The following ASXL2 variants were observed in gnomAD, a reference collection of about 807,000 sequenced individuals.
ASXL2 encodes the protein ASXL transcriptional regulator 2.
ASXL2 carries 23 observed loss-of-function variants against 122.0 expected under a neutral mutation model. The observed-to-expected ratio is 0.19, with a 90% CI of 0.14 to 0.27. ASXL2 has a LOEUF of 0.27. Ranked by LOEUF, ASXL2 falls within the 10% of genes least tolerant of loss-of-function variation. The pLI, the probability that ASXL2 is intolerant of heterozygous loss-of-function variation, is 1.00. For missense variants in ASXL2, 1,518 were observed against 1,713.8 expected, an observed-to-expected ratio of 0.89 and a Z score of 2.02; for synonymous variants, 650 against 637.0, an observed-to-expected ratio of 1.02 and a Z score of -0.31.
rs754099557 is a variant in ASXL2, at chr2:25,742,708, G to C, written c.3629C>G (p.Thr1210Arg). 1.9e-6 allele frequency: 3 copies of C among 1,613,952 alleles called. No homozygotes were observed. The highest frequency in any genetic ancestry group is 2.5e-6 in the Non-Finnish European group (3 of 1,179,876). The change falls in exon 13 of 13, where the codon ACA (threonine) becomes AGA (arginine). Residue 1210 changes from threonine to arginine, a missense_variant. Coordinates refer to ENST00000435504, the MANE Select transcript of ASXL2 (RefSeq NM_018263.6). ...TTCCCTGCTGTGAGGTCCTGAACTT[G>C]TGTCACCCTTGCCAGCACTCTGGGA... ...QVSQSAGKGD[T>R]SSGPHSRETL...
chr2:25,757,166 C>T (rs1216328556), intron 9 of ASXL2, among the ~76,000 whole-genome samples: 1 of 152,192 alleles, frequency 6.6e-6, no homozygotes, highest in Non-Finnish European at 1.5e-5. Context: ...ATACTCCACA[C>T]AGTCAAGTAT....
At chr2:25,855,814 C>T (rs1465453484) in intron 1 of ASXL2, among the ~76,000 whole-genome samples, 3 of 142,418 alleles carry the variant, frequency 2.1e-5, no homozygotes, top group East Asian at 2.0e-4. Context: ...CCAGCCTGGG[C>T]GACAGAGCGA....
intron 5 of ASXL2, among the ~76,000 whole-genome samples, chr2:25,785,278 G>T (rs1433246167): frequency 2.6e-5 from 4 of 151,932 alleles, no homozygotes; most frequent in African/African-American, 9.7e-5. Flanking sequence ...CTGGCTGGAG[G>T]ACAGTGGCAC....
Position 25,736,480 on chromosome 2 carries a change from C to G in ASXL2, c.*5549G>C, listed in dbSNP as rs757782062. 1.3e-5 allele frequency: 2 copies of G among 152,140 alleles called. No individual in the cohort carries two copies. Among genetic ancestry groups the G allele is most frequent in the Non-Finnish European group, 2.9e-5 (2 of 68,020 alleles). 9.4% of individuals were successfully genotyped at this position (152,140 alleles called of 1,614,324 possible). On this transcript the variant is annotated 3_prime_UTR_variant, in exon 13 of 13. Coordinates refer to ENST00000435504, the MANE Select transcript of ASXL2 (RefSeq NM_018263.6). ...ATGGAAATTATGAAGATGCTAATGT[C>G]CCCTGAGACTTAAGAAGCTTCCTTT...
chr2:25,762,665 GAAAAAAAAAA>G (rs60065368), intron 8 of ASXL2, among the ~76,000 whole-genome samples: 2 of 34,266 alleles, frequency 5.8e-5, no homozygotes, highest in Admixed American at 8.7e-4. Flanking sequence ...ACTCTTTCTC[GAAAAAAAAAA>G]AAAAAAAAAA....
At chr2:25,852,163 A>G (rs2089724018) in intron 1 of ASXL2, among the ~76,000 whole-genome samples, 1 of 152,212 alleles carries the variant, frequency 6.6e-6, no homozygotes, top group African/African-American at 2.4e-5. Flanking sequence ...TGGAAACTTT[A>G]AAGTACAATT....
Position 25,741,943 on chromosome 2 carries a change from T to C in ASXL2, c.*86A>G. On this transcript the variant is annotated 3_prime_UTR_variant, in exon 13 of 13. Transcript: ENST00000435504. ...AGACAACTGAAACCTACTTGTTTAT[T>C]TCTGTGATTCCAAAAGGACGCAAAA... is the stretch of plus-strand genomic sequence containing the variant. 1 of 1,303,266 alleles carries C rather than the reference T, an allele frequency of 7.7e-7. No homozygotes were observed. The highest frequency in any genetic ancestry group is 1.4e-5 in the South Asian group (1 of 70,360). 80.7% of individuals were successfully genotyped at this position (1,303,266 alleles called of 1,614,324 possible).
intron 4 of ASXL2, among the ~76,000 whole-genome samples, chr2:25,805,739 G>A (rs2089071982): frequency 6.6e-6 from 1 of 152,002 alleles, no homozygotes. Context: ...GCGGTGGCGT[G>A]ATTTTGGCTC....
intron 1 of ASXL2, among the ~76,000 whole-genome samples, chr2:25,852,006 T>C (rs1179346945): frequency 6.6e-6 from 1 of 151,876 alleles, no homozygotes; most frequent in Non-Finnish European, 1.5e-5. Context: ...CTTGGCCACA[T>C]ATATTACTGA....
At chr2:25,868,318 C>A (rs1279878198) in intron 1 of ASXL2, among the ~76,000 whole-genome samples, 3 of 152,254 alleles carry the variant, frequency 2.0e-5, no homozygotes, top group African/African-American at 7.2e-5. Flanking sequence ...CGTGGGCCAT[C>A]CCAGGCTGTG....
rs558550069 is a variant in ASXL2, at chr2:25,810,232, G to A, written c.144-3895C>T. On this transcript the variant is annotated intron_variant, in intron 3 of 12. Transcript: ENST00000435504. ...CAATGGGACACTGCCAGCTCAGCTCGTTCCTCTGTGAGTTCCAAGTCTCTT... is the reference window on the plus strand; with the variant it reads ...CAATGGGACACTGCCAGCTCAGCTCATTCCTCTGTGAGTTCCAAGTCTCTT... 1.4e-4 allele frequency: 85 copies of A among 609,394 alleles called. 1 individual carries two copies. The highest frequency in any genetic ancestry group is 1.2e-3 in the Admixed American group (66 of 53,944). The allele number at this position is 609,394 out of a possible 1,614,324, so 37.7% of individuals were successfully genotyped here. A position where few individuals can be genotyped will look rare whatever the true frequency, so the allele number is the denominator to read the frequency against.
At chr2:25,864,592 T>G (rs999292958) in intron 1 of ASXL2, among the ~76,000 whole-genome samples, 2 of 152,046 alleles carry the variant, frequency 1.3e-5, no homozygotes, top group Non-Finnish European at 2.9e-5. Flanking sequence ...ATATTTAGTT[T>G]TGGGCACAGG....
rs1303921040 is a variant in ASXL2, at chr2:25,735,483, T to C, written c.*6546A>G. ...AGAAAAGGACACAAAAGTAATTTTA[T>C]CCATTATGGAGAAAAACTGGGATGC... On this transcript the variant is annotated 3_prime_UTR_variant, in exon 13 of 13. Coordinates refer to ENST00000435504, the MANE Select transcript of ASXL2 (RefSeq NM_018263.6). The C allele has an allele frequency of 6.6e-6, 1 of 152,188 alleles. No individual in the cohort carries two copies. The highest frequency in any genetic ancestry group is 1.9e-4 in the East Asian group (1 of 5,200). 9.4% of individuals were successfully genotyped at this position (152,188 alleles called of 1,614,324 possible). A position where few individuals can be genotyped will look rare whatever the true frequency, so the allele number is the denominator to read the frequency against.
At chr2:25,847,797 A>G (rs1046249197) in intron 1 of ASXL2, among the ~76,000 whole-genome samples, 2 of 152,196 alleles carry the variant, frequency 1.3e-5, no homozygotes, top group African/African-American at 4.8e-5. Flanking sequence ...TGGGACTTCA[A>G]AAAATATACA....
rs970571045 is a variant in ASXL2, at chr2:25,838,618, A to C, written c.141-3078T>G. 3.3e-5 allele frequency among the ~76,000 whole-genome samples: 5 copies of C among 152,340 alleles called. 1 individual carries two copies. The East Asian group carries it at 9.6e-4, about 29-fold the overall frequency. On this transcript the variant is annotated intron_variant, in intron 2 of 12. Transcript: ENST00000435504. Reference sequence around the variant, plus strand: ...TGACAAATAGTTTGTAATGACAAGAAGAAATATGGGCACAAGTCGGGAGAA... The same window carrying C: ...TGACAAATAGTTTGTAATGACAAGACGAAATATGGGCACAAGTCGGGAGAA...
At chr2:25,845,778 A>C (rs955633153) in intron 1 of ASXL2, among the ~76,000 whole-genome samples, 1 of 152,170 alleles carries the variant, frequency 6.6e-6, no homozygotes, top group African/African-American at 2.4e-5. Flanking sequence ...TTTCCTGGTA[A>C]ATGTATAGCA....
At chr2:25,873,683 T>C (rs557930382) in intron 1 of ASXL2, among the ~76,000 whole-genome samples, 2 of 118,268 alleles carry the variant, frequency 1.7e-5, no homozygotes, top group South Asian at 2.7e-4. Flanking sequence ...GTCTACAAAT[T>C]ATATTCCAAA....
At chr2:25,864,957 G>A (rs554190487) in intron 1 of ASXL2, among the ~76,000 whole-genome samples, 4 of 151,194 alleles carry the variant, frequency 2.6e-5, no homozygotes, top group East Asian at 3.9e-4. Flanking sequence ...TCAGCCTCCC[G>A]AATACAGGCG....
intron 5 of ASXL2, among the ~76,000 whole-genome samples, chr2:25,796,236 G>A (rs901886204): frequency 6.6e-6 from 1 of 152,194 alleles, no homozygotes; most frequent in African/African-American, 2.4e-5. Flanking sequence ...GGACTTAAAT[G>A]AATGAGTCTA....
Sources: allele counts gnomAD v4.1 joint callset (sites outside exome capture counted in the v4.1 genomes callset), GRCh38; gene constraint gnomAD v4.1.1; transcripts MANE v1.5; gene names NCBI Gene and HGNC (gene_info 2026-07-23, HGNC 2026-07-21).